Variants in NAALADL2 observed in about 807,000 individuals in gnomAD.
The protein encoded by NAALADL2 is inactive N-acetylated-alpha-linked acidic dipeptidase-like protein 2.
In NAALADL2, 76 loss-of-function variants were observed where a neutral mutation model predicts 87.2. That is an observed-to-expected ratio of 0.87 (90% CI 0.72 to 1.05). NAALADL2 has a LOEUF of 1.05. Ranked by LOEUF, NAALADL2 falls within the 50% of genes least tolerant of loss-of-function variation. The probability of loss-of-function intolerance (pLI) is 0.00; values close to 1 mark genes in which losing one functional copy is unlikely to be tolerated. For synonymous variants in NAALADL2, 354 were observed against 331.0 expected, an observed-to-expected ratio of 1.07 and a Z score of -0.75; for missense variants, 1,089 against 945.8, an observed-to-expected ratio of 1.15 and a Z score of -1.99.
intron 4 of NAALADL2, among the ~76,000 whole-genome samples, chr3:175,300,030 A>G (rs182638046): frequency 1.5e-3 from 228 of 152,274 alleles, no homozygotes; most frequent in Middle Eastern, 6.8e-3. Flanking sequence ...CCTTTTCTGC[A>G]TCTTTTGAGA....
intron 13 of NAALADL2, among the ~76,000 whole-genome samples, chr3:175,796,945 CT>C (rs10706498): frequency 0.17 from 24,181 of 142,920 alleles, 2,875 homozygotes; most frequent in African/African-American, 0.34. Flanking sequence ...AAATTCATGG[CT>C]TTTTTTTTTT....
chr3:175,470,326 A>G (rs1313176066), intron 8 of NAALADL2, among the ~76,000 whole-genome samples: 2 of 152,080 alleles, frequency 1.3e-5, no homozygotes, highest in Non-Finnish European at 2.9e-5. Context: ...AGTATGATAC[A>G]TTTCAAAATT....
chr3:175,502,777 C>A (rs1299322363), intron 9 of NAALADL2, among the ~76,000 whole-genome samples: 1 of 152,068 alleles, frequency 6.6e-6, no homozygotes, highest in African/African-American at 2.4e-5. Flanking sequence ...TCTTGTCCCA[C>A]CACTGTAGTT....
chr3:175,119,727 A>AT (rs1725842592), intron 2 of NAALADL2, among the ~76,000 whole-genome samples: 2 of 147,586 alleles, frequency 1.4e-5, no homozygotes, highest in Admixed American at 6.8e-5. Context: ...AATGTAAAAT[A>AT]AGAATAGATA....
chr3:174,789,704 A>G (rs1286626608), intron 3 of NAALADL2, among the ~76,000 whole-genome samples: 1 of 152,232 alleles, frequency 6.6e-6, no homozygotes, highest in Non-Finnish European at 1.5e-5. Context: ...TTAACTGTAT[A>G]CCATCAGCAG....
chr3:174,926,611 C>A (rs910249810), intron 1 of NAALADL2, among the ~76,000 whole-genome samples: 2 of 151,982 alleles, frequency 1.3e-5, no homozygotes, highest in African/African-American at 4.8e-5. Flanking sequence ...AACTAAGCTT[C>A]ATAAGTGAAG....
intron 1 of NAALADL2, among the ~76,000 whole-genome samples, chr3:174,481,390 G>T (rs554531259): frequency 6.6e-6 from 1 of 152,150 alleles, no homozygotes; most frequent in South Asian, 2.1e-4. Flanking sequence ...GTCACATATG[G>T]TTCTAAGTTG....
chr3:175,026,315 T>C (rs1427659765), intron 1 of NAALADL2, among the ~76,000 whole-genome samples: 1 of 151,540 alleles, frequency 6.6e-6, no homozygotes, highest in African/African-American at 2.4e-5. Context: ...AAAAAACAAA[T>C]ATTGTGCCAC....
chr3:174,462,455 T>C (rs1238902712), intron 1 of NAALADL2, among the ~76,000 whole-genome samples: 1 of 152,152 alleles, frequency 6.6e-6, no homozygotes, highest in Non-Finnish European at 1.5e-5. Flanking sequence ...TCAAAATATA[T>C]AATATTTGTT....
chr3:174,576,257 C>G (rs190863003), intron 2 of NAALADL2, among the ~76,000 whole-genome samples: 1 of 151,912 alleles, frequency 6.6e-6, no homozygotes, highest in East Asian at 1.9e-4. Context: ...GACATACAGA[C>G]AAAAAATTAT....
chr3:175,549,212 A>G (rs1713910841), intron 9 of NAALADL2, among the ~76,000 whole-genome samples: 1 of 151,808 alleles, frequency 6.6e-6, no homozygotes, highest in African/African-American at 2.4e-5. Flanking sequence ...TATTTTCATT[A>G]CTCTGTAAAT....
chr3:175,151,563 G>A (rs1731542733), intron 2 of NAALADL2, among the ~76,000 whole-genome samples: 1 of 152,052 alleles, frequency 6.6e-6, no homozygotes, highest in African/African-American at 2.4e-5. Context: ...GTGAATGTAG[G>A]TCAGACTCTC....
chr3:175,732,272 G>T (rs1043118998), intron 11 of NAALADL2, among the ~76,000 whole-genome samples: 1 of 152,258 alleles, frequency 6.6e-6, no homozygotes, highest in East Asian at 1.9e-4. Flanking sequence ...TGATGGGGGG[G>T]ATGCATAGGA....
chr3:175,376,042 A>AT (rs1365979066), intron 5 of NAALADL2, among the ~76,000 whole-genome samples: 1 of 151,768 alleles, frequency 6.6e-6, no homozygotes, highest in Non-Finnish European at 1.5e-5. Context: ...GTATACTTTC[A>AT]TTTTTCTCTC....
At chr3:175,483,744 G>T (rs1726847198) in intron 9 of NAALADL2, among the ~76,000 whole-genome samples, 1 of 152,036 alleles carries the variant, frequency 6.6e-6, no homozygotes. Context: ...AAAAGTCTCA[G>T]CATTGGGTAC....
At chr3:174,751,825 A>G (rs762860994) in intron 3 of NAALADL2, among the ~76,000 whole-genome samples, 5 of 151,552 alleles carry the variant, frequency 3.3e-5, no homozygotes, top group African/African-American at 1.2e-4. Context: ...TATGCTATTC[A>G]TAAGTGATAT....
intron 4 of NAALADL2, among the ~76,000 whole-genome samples, chr3:175,291,670 C>T (rs1310592248): frequency 6.6e-6 from 1 of 152,020 alleles, no homozygotes; most frequent in Non-Finnish European, 1.5e-5. Flanking sequence ...AGCTTTACCC[C>T]AAGGAATGAA....
intron 2 of NAALADL2, among the ~76,000 whole-genome samples, chr3:174,558,500 A>T (rs1443732691): frequency 6.6e-6 from 1 of 152,108 alleles, no homozygotes; most frequent in Non-Finnish European, 1.5e-5. Context: ...TCTGGGGGTG[A>T]TGGGAGACAA....
intron 3 of NAALADL2, among the ~76,000 whole-genome samples, chr3:174,801,111 G>A (rs1421529347): frequency 6.6e-6 from 1 of 152,178 alleles, no homozygotes; most frequent in African/African-American, 2.4e-5. Flanking sequence ...GACTTGGAGG[G>A]ACTGTAGGAA....
Sources: gnomAD v4.1 joint callset for allele counts (sites outside exome capture counted in the v4.1 genomes callset) on GRCh38, gnomAD v4.1.1 for gene constraint, MANE v1.5 for transcripts, NCBI Gene and HGNC (gene_info 2026-07-23, HGNC 2026-07-21) for gene names.